CUL2: variants seen among roughly 807,000 people sequenced by gnomAD.
The protein encoded by CUL2 is cullin 2.
In CUL2, 22 loss-of-function variants were observed where a neutral mutation model predicts 110.2. That is an observed-to-expected ratio of 0.20 (90% confidence interval 0.14 to 0.28). CUL2 has a LOEUF of 0.28. Ranked by LOEUF, CUL2 falls within the 10% of genes least tolerant of loss-of-function variation. CUL2 has a pLI of 1.00. For synonymous variants in CUL2, 279 were observed against 293.2 expected (o/e 0.95, Z 0.49); for missense variants, 631 against 905.5 (o/e 0.70, Z 3.89).
At chr10:35,122,411 C>G (rs2087688275) in intron 1 of CUL2, among the ~76,000 whole-genome samples, 1 of 152,146 alleles carries the variant, frequency 6.6e-6, no homozygotes, top group African/African-American at 2.4e-5. Context: ...CTCTCAGCCT[C>G]TACTTTCTAA....
At chr10:35,032,130 G>A (rs905765215) in intron 12 of CUL2, among the ~76,000 whole-genome samples, 24 of 152,006 alleles carry the variant, frequency 1.6e-4, no homozygotes, top group African/African-American at 5.8e-4. Flanking sequence ...TTCCTTCAAA[G>A]GTTACCCAAA....
Position 35,031,600 on chromosome 10 carries a change from T to G in CUL2, c.1190A>C (p.Asn397Thr), listed in dbSNP as rs201586230. ...CCCTTTCGCTGACTTCTTCAGTAAG[T>G]TGTCACAGTACTTAGCAAGCTCATG... ...APELLAKYCDNLLKKSAKGMT... is the reference protein window; with the variant it reads ...APELLAKYCDTLLKKSAKGMT... The change falls in exon 13 of 21, where the codon AAC becomes ACC. Residue 397 changes from asparagine to threonine, a missense_variant. Physicochemically the swap from Asn to Thr is moderately conservative, Grantham distance 65. This residue lies in a region of CUL2 where 134 missense variants were observed against 260.4 expected (regional missense o/e 0.51). Transcript: ENST00000374749. This position sits in a 1 kb window ranked among gnomAD's most constrained non-coding sequence, Gnocchi z 4.4. 1.9e-6 allele frequency: 3 copies of G among 1,614,148 alleles called. No individual in the cohort carries two copies. Among genetic ancestry groups the G allele is most frequent in the Non-Finnish European group, 2.5e-6 (3 of 1,180,008 alleles).
chr10:35,030,180 G>GA (rs1357565856), intron 14 of CUL2, among the ~76,000 whole-genome samples: 2 of 152,126 alleles, frequency 1.3e-5, no homozygotes, highest in Non-Finnish European at 2.9e-5. Flanking sequence ...AGTATCAAAT[G>GA]AAAGATTACA....
chr10:35,072,506 C>T (rs1283675977), intron 1 of CUL2, among the ~76,000 whole-genome samples: 4 of 152,000 alleles, frequency 2.6e-5, no homozygotes, highest in African/African-American at 9.7e-5. Flanking sequence ...GTAGCTGGGA[C>T]TACAGGCGCC....
intron 1 of CUL2, among the ~76,000 whole-genome samples, chr10:35,085,992 T>C (rs1418404119): frequency 6.6e-6 from 1 of 152,094 alleles, no homozygotes; most frequent in East Asian, 1.9e-4. Context: ...GTGTACCTCC[T>C]GAATCTAAAA....
At chr10:35,014,091 A>G (rs775923974) in intron 18 of CUL2, among the ~76,000 whole-genome samples, 14 of 152,380 alleles carry the variant, frequency 9.2e-5, no homozygotes, top group Non-Finnish European at 1.8e-4. Context: ...TTGATAAAAT[A>G]AGAGTCAAGC....
rs568430770 is a variant in CUL2 at position 35,041,641 on chromosome 10, G to T, written c.715-2559C>A. On this transcript the variant is annotated intron_variant, in intron 8 of 20. Transcript: ENST00000374749. ...CAACTTCCGCCTCTCAGGCTCAAGTGATCTTCCCACCTCAGCGTCCCAAGA... is the reference window on the plus strand; with the variant it reads ...CAACTTCCGCCTCTCAGGCTCAAGTTATCTTCCCACCTCAGCGTCCCAAGA... 2.0e-5 allele frequency among the ~76,000 whole-genome samples: 3 copies of T among 152,294 alleles called. No homozygotes were observed. In the East Asian group the frequency reaches 5.8e-4, roughly 29 times the overall value.
At chr10:35,044,051 CAAAAAAAAA>C (rs534515519) in intron 8 of CUL2, among the ~76,000 whole-genome samples, 6 of 87,794 alleles carry the variant, frequency 6.8e-5, no homozygotes, top group Admixed American at 1.4e-4. Flanking sequence ...ACCACATCTC[CAAAAAAAAA>C]AAAAAAAAAA....
chr10:35,016,217 T>C lies in CUL2; in HGVS notation c.1862A>G (p.Lys621Arg). The change falls in exon 18 of 21, where the codon AAA becomes AGA. Residue 621 changes from lysine (K) to arginine (R), a missense_variant. Transcript: ENST00000374749. ...TKTIKSLLDV[K>R]MINHDSEKED... ...CTTTTCTGAATCATGGTTAATCATT[T>C]TCACATCAAGTAATGATTTGATTGT... 1 of 1,613,580 alleles carries C rather than the reference T, an allele frequency of 6.2e-7. No homozygotes were observed. The highest frequency in any genetic ancestry group is 8.5e-7 in the Non-Finnish European group (1 of 1,179,602).
intron 8 of CUL2, among the ~76,000 whole-genome samples, chr10:35,043,632 G>T (rs1364516046): frequency 6.6e-6 from 1 of 152,148 alleles, no homozygotes. Flanking sequence ...CAACACTGCA[G>T]ATTTAAAAAC....
intron 1 of CUL2, among the ~76,000 whole-genome samples, chr10:35,074,874 C>T (rs1302836752): frequency 2.0e-5 from 3 of 152,184 alleles, no homozygotes; most frequent in African/African-American, 7.2e-5. Context: ...CCACACTTTC[C>T]TCTATTAGAG....
chr10:35,049,727 T>C lies in CUL2; in HGVS notation c.462A>G (p.Pro154=). The C allele has an allele frequency of 6.2e-7, 1 of 1,613,636 alleles. No homozygotes were observed. Among genetic ancestry groups the C allele is most frequent in the Non-Finnish European group, 8.5e-7 (1 of 1,179,798 alleles). ...GCATTCGGATAAGGATGGCCTGAAG[T>C]GGTTCAACCATCAATTTCCTCCACA... ...LDMWRKLMVE[P]LQAILIRMLL... is the part of the protein sequence containing the mutation. Residue 154 remains proline (P), a synonymous_variant, in exon 6 of 21, where the codon CCA becomes CCG. Coordinates refer to ENST00000374749, the MANE Select transcript of CUL2 (RefSeq NM_003591.4).
In CUL2 at chr10:35,029,337, A is replaced by G. The variant is rs1011312088; in HGVS notation, c.1539+151T>C. The G allele has an allele frequency of 1.5e-5, 8 of 543,370 alleles. No individual in the cohort carries two copies. In the Admixed American group the frequency reaches 3.2e-4, roughly 22 times the overall value. 33.7% of individuals were successfully genotyped at this position (543,370 alleles called of 1,614,324 possible). A position where few individuals can be genotyped will look rare whatever the true frequency, so the allele number is the denominator to read the frequency against. Reference sequence around the variant, plus strand: ...CTCTGAAAGTGCTGGGATTACAGGCATAAGCCACCACGCCCAGCCCAAATC... The same window carrying G: ...CTCTGAAAGTGCTGGGATTACAGGCGTAAGCCACCACGCCCAGCCCAAATC... On this transcript the variant is annotated intron_variant, in intron 15 of 20. Coordinates refer to ENST00000374749, the MANE Select transcript of CUL2 (RefSeq NM_003591.4).
chr10:35,053,016 CA>C (rs926405659), intron 5 of CUL2, among the ~76,000 whole-genome samples: 15 of 148,394 alleles, frequency 1.0e-4, no homozygotes, highest in South Asian at 4.3e-4. Flanking sequence ...TAACAAATAA[CA>C]AAAAAAAAGG....
At chr10:35,024,039 T>C (rs1276207661) in intron 17 of CUL2, among the ~76,000 whole-genome samples, 1 of 152,164 alleles carries the variant, frequency 6.6e-6, no homozygotes, top group Non-Finnish European at 1.5e-5. Flanking sequence ...TTTGTCATGT[T>C]GCCCAGGCTG....
intron 4 of CUL2, among the ~76,000 whole-genome samples, chr10:35,058,250 A>G (rs2086292063): frequency 6.6e-6 from 1 of 152,212 alleles, no homozygotes; most frequent in Non-Finnish European, 1.5e-5. Flanking sequence ...ACAGGAATTT[A>G]ACCTTGGAGG....
At chr10:35,047,405 T>A (rs1482694848) in intron 6 of CUL2, among the ~76,000 whole-genome samples, 2 of 148,850 alleles carry the variant, frequency 1.3e-5, no homozygotes, top group South Asian at 4.2e-4. Flanking sequence ...GGTCAGGAGA[T>A]AGAGACCATC....
chr10:35,082,273 G>A (rs189586558), intron 1 of CUL2, among the ~76,000 whole-genome samples: 3 of 152,240 alleles, frequency 2.0e-5, no homozygotes, highest in Admixed American at 6.5e-5. Flanking sequence ...AAGATATTAC[G>A]CTAAGTCAAA....
At chr10:35,113,137 C>T (rs1412938659) in intron 1 of CUL2, among the ~76,000 whole-genome samples, 1 of 136,276 alleles carries the variant, frequency 7.3e-6, no homozygotes, top group Non-Finnish European at 1.5e-5. Flanking sequence ...GAGCTGAGAC[C>T]GAGCCACTGC....
Sources: allele counts gnomAD v4.1 joint callset (sites outside exome capture counted in the v4.1 genomes callset), GRCh38; gene constraint gnomAD v4.1.1; regional missense constraint gnomAD v4.1.1; non-coding constraint Gnocchi (gnomAD v3.1); transcripts MANE v1.5; gene names NCBI Gene and HGNC (gene_info 2026-07-23, HGNC 2026-07-21).